The following NUGGC variants were observed in gnomAD, a reference collection of about 807,000 sequenced individuals.
The protein encoded by NUGGC is nuclear GTPase SLIP-GC.
In NUGGC, 58 loss-of-function variants were observed where a neutral mutation model predicts 92.6. The ratio of observed to expected loss-of-function variants is 0.63; its 90% CI spans 0.51 to 0.78. The LOEUF is 0.78. Among genes scored for constraint, NUGGC ranks in the 30% least tolerant of loss-of-function variants. The probability of loss-of-function intolerance (pLI) is 0.00; values close to 1 mark genes in which losing one functional copy is unlikely to be tolerated. For missense variants in NUGGC, 925 were observed against 964.6 expected (o/e 0.96, Z 0.54); for synonymous variants, 376 against 366.4 (o/e 1.03, Z -0.30).
At chr8:28,064,388 GA>G (rs1436040515) in intron 7 of NUGGC, 133 bp downstream of exon 7, 2 of 791,918 alleles carry the variant, frequency 2.5e-6, no homozygotes, top group Non-Finnish European at 4.1e-6. Context: ...TTGAGACTTA[GA>G]ACATAGAAAT....
At chr8:28,079,931 T>TG (rs1364102703) in intron 1 of NUGGC, among the ~76,000 whole-genome samples, 7 of 111,640 alleles carry the variant, frequency 6.3e-5, no homozygotes, top group Non-Finnish European at 1.4e-4. Flanking sequence ...GTTCTTTGTT[T>TG]TTTTGTTTGT....
At chr8:28,045,713 A>C in intron 11 of NUGGC, 53 bp from the exon 12 acceptor site, 1 of 1,570,284 alleles carries the variant, frequency 6.4e-7, no homozygotes, top group South Asian at 1.2e-5. Context: ...GTTTGTGGTC[A>C]ATAGAATTCA....
intron 1 of NUGGC, among the ~76,000 whole-genome samples, chr8:28,081,906 GTTTTTTCTT>G (rs1810860582): frequency 6.6e-6 from 1 of 150,566 alleles, no homozygotes; most frequent in Non-Finnish European, 1.5e-5. Context: ...CTTTGGTCAA[GTTTTTTCTT>G]GCTCTCACAA....
chr8:28,074,231 T>C, intron 2 of NUGGC, 137 bp downstream of exon 2: 1 of 671,916 alleles, frequency 1.5e-6, no homozygotes, highest in South Asian at 1.7e-5. Flanking sequence ...TTTAAACTTG[T>C]CACGAGAAAG....
chr8:28,034,744 G>A (rs1441963175), intron 13 of NUGGC, among the ~76,000 whole-genome samples: 5 of 152,062 alleles, frequency 3.3e-5, no homozygotes. Flanking sequence ...TTGAACCTGG[G>A]AGGCAGAGGT....
At chr8:28,052,448 G>A (rs1563222521) in intron 10 of NUGGC, among the ~76,000 whole-genome samples, 1 of 152,146 alleles carries the variant, frequency 6.6e-6, no homozygotes, top group Non-Finnish European at 1.5e-5. Flanking sequence ...TAATGGAGTA[G>A]GGTGGGCCCC....
In NUGGC at chr8:28,075,149, G is replaced by A. The variant is rs550811443; in HGVS notation, c.-46-693C>T. On this transcript the variant is annotated intron_variant, in intron 1 of 18. Coordinates refer to ENST00000413272, the MANE Select transcript of NUGGC (RefSeq NM_001010906.2). Reference sequence around the variant, plus strand: ...AAGTCTCAGCAGGAATCTGGGAGGTGGAACATTAGATATTCCTAGAGTTCC... The same window carrying A: ...AAGTCTCAGCAGGAATCTGGGAGGTAGAACATTAGATATTCCTAGAGTTCC... 2.7e-3 allele frequency among the ~76,000 whole-genome samples: 417 copies of A among 152,230 alleles called. 1 individual carries two copies. The highest frequency in any genetic ancestry group is 4.2e-3 in the Non-Finnish European group (283 of 68,012).
intron 10 of NUGGC, among the ~76,000 whole-genome samples, chr8:28,054,835 C>G (rs879495843): frequency 2.0e-5 from 3 of 151,850 alleles, no homozygotes; most frequent in Non-Finnish European, 4.4e-5. Context: ...ATCACTTCAG[C>G]CCAAGAGTTT....
At chr8:28,075,962 T>C (rs773118914) in intron 1 of NUGGC, among the ~76,000 whole-genome samples, 2 of 152,176 alleles carry the variant, frequency 1.3e-5, no homozygotes, top group South Asian at 2.1e-4. Flanking sequence ...GGGGTGCCCT[T>C]CCCTTCTTCT....
At chr8:28,061,725 T>C (rs752108003) in intron 7 of NUGGC, among the ~76,000 whole-genome samples, 17 of 152,166 alleles carry the variant, frequency 1.1e-4, no homozygotes, top group Non-Finnish European at 1.0e-4. Context: ...AATTCTATGG[T>C]ACATCAATGA....
intron 10 of NUGGC, among the ~76,000 whole-genome samples, chr8:28,053,673 C>T (rs1230506565): frequency 6.6e-6 from 1 of 152,160 alleles, no homozygotes; most frequent in Non-Finnish European, 1.5e-5. Flanking sequence ...TGTATTGCTG[C>T]CCAGGCCCTA....
In NUGGC at chr8:28,068,298, C is replaced by T. The variant is rs1471082641; in HGVS notation, c.398G>A (p.Ser133Asn). 3.2e-6 allele frequency: 5 copies of T among 1,552,786 alleles called. No individual in the cohort carries two copies. The highest frequency in any genetic ancestry group is 4.4e-6 in the Non-Finnish European group (5 of 1,147,946). Residue 133 changes from serine (S) to asparagine (N), a missense_variant, in exon 5 of 19, where the codon AGC becomes AAC. By Grantham distance (46) the Ser-to-Asn change is conservative. Transcript: ENST00000413272. ...TTGTACAATGCAGGAAGTACATATG[C>T]TTTCTCCAGACACTGGTAGAAACAT... ...QAMFLPVSGE[S>N]ICTSCIVQVS...
rs192512428 is a variant in NUGGC, at chr8:28,033,395, T to A, written c.1769+145A>T. On this transcript the variant is annotated intron_variant, in intron 14 of 18. Transcript: ENST00000413272. ...TTAAGTAAACCAAACCAAGAAGGCTTTTGTGTTTTGCCAAGGACTAAGGTT... is the reference window on the plus strand; with the variant it reads ...TTAAGTAAACCAAACCAAGAAGGCTATTGTGTTTTGCCAAGGACTAAGGTT... The A allele has an allele frequency of 5.3e-6, 4 of 748,414 alleles. No homozygotes were observed. The Admixed American group carries it at 1.3e-4, about 24-fold the overall frequency. The allele number at this position is 748,414 out of a possible 1,614,324, so 46.4% of individuals were successfully genotyped here.
intron 13 of NUGGC, among the ~76,000 whole-genome samples, chr8:28,034,819 A>G (rs1809515011): frequency 6.6e-6 from 1 of 151,946 alleles, no homozygotes; most frequent in Non-Finnish European, 1.5e-5. Context: ...CTCCAACTCA[A>G]AAAAAAAGGT....
chr8:28,079,789 G>A (rs541894994), intron 1 of NUGGC, among the ~76,000 whole-genome samples: 1 of 152,346 alleles, frequency 6.6e-6, no homozygotes, highest in Middle Eastern at 3.4e-3. Flanking sequence ...TCCCTCAAAT[G>A]CATGGCAAAG....
At chr8:28,033,821 C>T in intron 13 of NUGGC, 124 bp from the exon 14 acceptor site, 2 of 851,840 alleles carry the variant, frequency 2.3e-6, no homozygotes, top group Non-Finnish European at 3.7e-6. Flanking sequence ...ACAACATGCT[C>T]TTTAAATATA....
intron 14 of NUGGC, among the ~76,000 whole-genome samples, chr8:28,031,879 A>G (rs888129929): frequency 6.6e-6 from 1 of 152,262 alleles, no homozygotes; most frequent in Middle Eastern, 3.2e-3. Flanking sequence ...AGAGAGCACA[A>G]GCTTTAAATC....
At chr8:28,030,881 C>T (rs1458097778) in intron 15 of NUGGC, among the ~76,000 whole-genome samples, 3 of 152,198 alleles carry the variant, frequency 2.0e-5, no homozygotes, top group East Asian at 1.9e-4. Flanking sequence ...GCATCGGATG[C>T]TACTTTGTAA....
intron 3 of NUGGC, 59 bp from the exon 4 acceptor site, chr8:28,069,711 T>G: frequency 2.2e-6 from 2 of 915,714 alleles, no homozygotes; most frequent in Middle Eastern, 4.2e-4. Flanking sequence ...GTACTAGGTC[T>G]CCAAAGGAGG....
Sources: allele counts gnomAD v4.1 joint callset (sites outside exome capture counted in the v4.1 genomes callset), GRCh38; gene constraint gnomAD v4.1.1; transcripts MANE v1.5; gene names NCBI Gene and HGNC (gene_info 2026-07-23, HGNC 2026-07-21).